Variants in GPR17 observed in about 807,000 individuals in gnomAD.
The protein encoded by GPR17 is G protein-coupled receptor 17.
A neutral mutation model predicts 1.5 loss-of-function variants in GPR17; 4 were observed. That is an observed-to-expected ratio of 2.73 (90% CI 1.35 to 6.25). GPR17 has a LOEUF of 6.25. GPR17 is among the 30% of genes most tolerant of loss of function. The pLI is 0.00. For missense variants in GPR17, 463 were observed against 462.1 expected (o/e 1.00, Z -0.02); for synonymous variants, 209 against 207.6 (o/e 1.01, Z -0.06).
At position 127,650,725 on chromosome 2, in the gene GPR17, C is replaced by A; in HGVS notation, c.-11C>A. ...TGCTTGTTCCCTCCAGGCTCTGACT[C>A]CAGCCAAAGCATGAATGGCCTTGAA... On this transcript the variant is annotated 5_prime_UTR_variant, in exon 2 of 2. Coordinates refer to ENST00000486700, the MANE Select transcript of GPR17 (RefSeq NM_001161417.2). 1 of 1,603,198 alleles carries A rather than the reference C, an allele frequency of 6.2e-7. No homozygotes were observed. The highest frequency in any genetic ancestry group is 8.5e-7 in the Non-Finnish European group (1 of 1,172,594).
In GPR17 at chr2:127,651,001, T is replaced by G; in HGVS notation, c.266T>G (p.Val89Gly). ...SCVLVLPTRL[V>G]YHFSGNHWPF... ...GTGCTGGTCCTGCCCACCCGCCTGG[T>G]CTACCACTTCTCTGGGAACCACTGG... Residue 89 changes from valine (V) to glycine (G), a missense_variant, in exon 2 of 2, where the codon GTC becomes GGC. Coordinates refer to ENST00000486700, the MANE Select transcript of GPR17 (RefSeq NM_001161417.2). The G allele has an allele frequency of 1.9e-6, 3 of 1,613,796 alleles. No individual in the cohort carries two copies. The highest frequency in any genetic ancestry group is 2.5e-6 in the Non-Finnish European group (3 of 1,180,040).
intron 1 of GPR17, chr2:127,646,735 C>G (rs1344286252): frequency 6.5e-6 from 1 of 152,788 alleles, no homozygotes; most frequent in African/African-American, 2.4e-5. Flanking sequence ...CTGCCCAGGC[C>G]CCGGCCCATG....
intron 1 of GPR17, 24 bp from the exon 2 acceptor site, chr2:127,650,692 G>C (rs1006800389): frequency 1.3e-6 from 2 of 1,548,738 alleles, no homozygotes; most frequent in African/African-American, 2.7e-5. Context: ...AGCTCATTGT[G>C]AACTGTTTGC....
intron 1 of GPR17, chr2:127,650,196 C>T (rs1820971): frequency 0.24 from 206,218 of 855,690 alleles, 26,990 homozygotes; most frequent in South Asian, 0.4. Context: ...GGTGACACCC[C>T]GGCCACTGCA....
chr2:127,650,064 T>G, intron 1 of GPR17: 1 of 1,606,462 alleles, frequency 6.2e-7, no homozygotes, highest in Non-Finnish European at 8.5e-7. Context: ...AGAGAGATGC[T>G]GAAACTCTCA....
intron 1 of GPR17, among the ~76,000 whole-genome samples, chr2:127,648,627 C>T (rs113335030): frequency 1.3e-5 from 2 of 152,066 alleles, no homozygotes; most frequent in African/African-American, 2.4e-5. Context: ...AGGGGCTGGG[C>T]GCAGTGACTC....
rs1683129618 is a variant in GPR17 at position 127,647,572 on chromosome 2, G to A, written c.-21+1328G>A. Among the ~76,000 whole-genome samples, 1 of 152,108 alleles carries A rather than the reference G, an allele frequency of 6.6e-6. No homozygotes were observed. Among genetic ancestry groups the A allele is most frequent in the South Asian group, 2.1e-4 (1 of 4,824 alleles). On this transcript the variant is annotated intron_variant, in intron 1 of 1. Transcript: ENST00000486700. This position sits in a 1 kb window ranked among gnomAD's most constrained non-coding sequence, Gnocchi z 4.3. ...ACTGTGGGGCACAGCACAGGCCTGA[G>A]GGACAGCCTGGGGTGGAGGGCACCC...
intron 1 of GPR17, chr2:127,650,062 G>A: frequency 1.9e-6 from 3 of 1,607,000 alleles, no homozygotes; most frequent in Non-Finnish European, 2.6e-6. Flanking sequence ...CAAGAGAGAT[G>A]CTGAAACTCT....
In GPR17 at chr2:127,650,771, C is replaced by T; in HGVS notation, c.36C>T (p.Ile12=). 6.2e-7 allele frequency: 1 copy of T among 1,613,808 alleles called. No individual in the cohort carries two copies. The highest frequency in any genetic ancestry group is 8.5e-7 in the Non-Finnish European group (1 of 1,179,818). ...TTGAAGTGGCTCCCCCAGGTCTGAT[C>T]ACCAACTTCTCCCTGGCCACGGCAG... The part of the protein sequence containing the change: ...NGLEVAPPGL[I]TNFSLATAEQ... The change falls in exon 2 of 2, where the codon ATC becomes ATT. Residue 12 remains isoleucine, a synonymous_variant. Coordinates refer to ENST00000486700, the MANE Select transcript of GPR17 (RefSeq NM_001161417.2).
rs1211575568 is a variant in GPR17, at chr2:127,647,058, G to A, written c.-21+814G>A. Among the ~76,000 whole-genome samples the A allele has an allele frequency of 1.3e-5, 2 of 151,912 alleles. No individual in the cohort carries two copies. Among genetic ancestry groups the A allele is most frequent in the African/African-American group, 2.4e-5 (1 of 41,392 alleles). On this transcript the variant is annotated intron_variant, in intron 1 of 1. Transcript: ENST00000486700. This position sits in a 1 kb window ranked among gnomAD's most constrained non-coding sequence, Gnocchi z 4.3. Reference sequence around the variant, plus strand: ...GGGCAGTGCCCAGGCTGAGGCCCCCGGGCTGGAGGCAGGAGGCACCACAGG... The same window carrying A: ...GGGCAGTGCCCAGGCTGAGGCCCCCAGGCTGGAGGCAGGAGGCACCACAGG...
chr2:127,650,890 C>T lies in GPR17; in HGVS notation c.155C>T (p.Ala52Val), dbSNP rs1295371229. The change falls in exon 2 of 2, where the codon GCT becomes GTT. Residue 52 changes from alanine to valine, a missense_variant. Transcript: ENST00000486700. ...CTGGCTTTAGTTGGCAATACCCTGGCTCTGTGGCTTTTCATCCGAGACCAC... is the reference window on the plus strand; with the variant it reads ...CTGGCTTTAGTTGGCAATACCCTGGTTCTGTGGCTTTTCATCCGAGACCAC... ...FILALVGNTL[A>V]LWLFIRDHKS... The T allele has an allele frequency of 5.0e-6, 8 of 1,613,988 alleles. No individual in the cohort carries two copies. Among genetic ancestry groups the T allele is most frequent in the Middle Eastern group, 1.6e-4 (1 of 6,084 alleles).
At position 127,647,221 on chromosome 2, in the gene GPR17, A is replaced by AG. The variant is rs1683085316; in HGVS notation, c.-21+977_-21+978insG. ...ATTCTCATTTCATACATGGGCCCCT[A>AG]AAATGAGGGAGTGGCCCCAGGGCCA... On this transcript the variant is annotated intron_variant, in intron 1 of 1. Coordinates refer to ENST00000486700, the MANE Select transcript of GPR17 (RefSeq NM_001161417.2). The surrounding 1 kb of genome is among the most constrained non-coding windows in gnomAD (Gnocchi z 4.3). Among the ~76,000 whole-genome samples, 1 of 152,178 alleles carries AG rather than the reference A, an allele frequency of 6.6e-6. No homozygotes were observed. Among genetic ancestry groups the AG allele is most frequent in the African/African-American group, 2.4e-5 (1 of 41,450 alleles).
Position 127,650,926 on chromosome 2 carries a change from C to A in GPR17, c.191C>A (p.Thr64Asn). ...WLFIRDHKSGTPANVFLMHLA... is the reference protein window; with the variant it reads ...WLFIRDHKSGNPANVFLMHLA... ...TTCATCCGAGACCACAAGTCCGGGA[C>A]CCCGGCCAACGTGTTCCTGATGCAT... The change falls in exon 2 of 2, where the codon ACC becomes AAC. Residue 64 changes from threonine to asparagine, a missense_variant. Transcript: ENST00000486700. 1 of 1,614,012 alleles carries A rather than the reference C, an allele frequency of 6.2e-7. No individual in the cohort carries two copies. The highest frequency in any genetic ancestry group is 2.2e-5 in the East Asian group (1 of 44,890).
intron 1 of GPR17, chr2:127,649,970 G>A: frequency 6.4e-7 from 1 of 1,556,670 alleles, no homozygotes; most frequent in Non-Finnish European, 8.8e-7. Flanking sequence ...CTGATACCCA[G>A]GCACAGGCTT....
Position 127,650,895 on chromosome 2 carries a change from T to C in GPR17, c.160T>C (p.Trp54Arg), listed in dbSNP as rs764403175. Reference sequence around the variant, plus strand: ...TTTAGTTGGCAATACCCTGGCTCTGTGGCTTTTCATCCGAGACCACAAGTC... The same window carrying C: ...TTTAGTTGGCAATACCCTGGCTCTGCGGCTTTTCATCCGAGACCACAAGTC... Reference protein sequence around the residue: ...LALVGNTLALWLFIRDHKSGT... With the variant: ...LALVGNTLALRLFIRDHKSGT... Residue 54 changes from tryptophan to arginine, a missense_variant, in exon 2 of 2, where the codon TGG (tryptophan) becomes CGG (arginine). Physicochemically the swap from Trp to Arg is moderately radical, Grantham distance 101. Coordinates refer to ENST00000486700, the MANE Select transcript of GPR17 (RefSeq NM_001161417.2). 15 of 1,614,082 alleles carry C rather than the reference T, an allele frequency of 9.3e-6. No homozygotes were observed. The highest frequency in any genetic ancestry group is 1.3e-5 in the Non-Finnish European group (15 of 1,180,042).
intron 1 of GPR17, chr2:127,650,065 GA>G (rs1210501463): frequency 1.2e-6 from 2 of 1,605,964 alleles, no homozygotes; most frequent in African/African-American, 2.7e-5. Flanking sequence ...GAGAGATGCT[GA>G]AACTCTCAGG....
intron 1 of GPR17, chr2:127,649,918 G>A: frequency 9.8e-7 from 1 of 1,022,186 alleles, no homozygotes; most frequent in East Asian, 2.6e-5. Flanking sequence ...GCTGCCCCCT[G>A]GTGGTGGATC....
At position 127,651,784 on chromosome 2, in the gene GPR17, G is replaced by T. The variant is rs756905832; in HGVS notation, c.*29G>T. ...GGGGGCGCCGTCCAGGCCGAGCGCA[G>T]ACTGTTTAGGACTCAGCAGACCCAG... On this transcript the variant is annotated 3_prime_UTR_variant, in exon 2 of 2. Coordinates refer to ENST00000486700, the MANE Select transcript of GPR17 (RefSeq NM_001161417.2). 1 of 1,586,456 alleles carries T rather than the reference G, an allele frequency of 6.3e-7. No homozygotes were observed. The highest frequency in any genetic ancestry group is 1.7e-5 in the Admixed American group (1 of 58,734).
In GPR17 at chr2:127,651,761, G is replaced by A. The variant is rs200198327; in HGVS notation, c.*6G>A. The A allele has an allele frequency of 2.5e-6, 4 of 1,610,048 alleles. No individual in the cohort carries two copies. In the East Asian group the frequency reaches 8.9e-5, roughly 36 times the overall value. ...GTGCCAAGTCAGAGCTGTGAGCGGGGGGCGCCGTCCAGGCCGAGCGCAGAC... is the reference window on the plus strand; with the variant it reads ...GTGCCAAGTCAGAGCTGTGAGCGGGAGGCGCCGTCCAGGCCGAGCGCAGAC... On this transcript the variant is annotated 3_prime_UTR_variant, in exon 2 of 2. Coordinates refer to ENST00000486700, the MANE Select transcript of GPR17 (RefSeq NM_001161417.2).
Sources: allele counts gnomAD v4.1 joint callset (sites outside exome capture counted in the v4.1 genomes callset), GRCh38; gene constraint gnomAD v4.1.1; non-coding constraint Gnocchi (gnomAD v3.1); transcripts MANE v1.5; gene names NCBI Gene and HGNC (gene_info 2026-07-23, HGNC 2026-07-21).